GALNT11: variants seen among roughly 807,000 people sequenced by gnomAD.
GALNT11 encodes the protein polypeptide N-acetylgalactosaminyltransferase 11.
Under a neutral mutation model 72.7 loss-of-function variants are expected in GALNT11, and 47 were observed. The ratio of observed to expected loss-of-function variants is 0.65; its 90% CI spans 0.51 to 0.82. The LOEUF is 0.82. Ranked by LOEUF, GALNT11 falls within the 40% of genes least tolerant of loss-of-function variation. The probability of loss-of-function intolerance (pLI) is 0.00; values close to 1 mark genes in which losing one functional copy is unlikely to be tolerated. For missense variants in GALNT11, 677 were observed against 778.4 expected (o/e 0.87, Z 1.55); for synonymous variants, 270 against 286.6 (o/e 0.94, Z 0.58).
chr7:152,108,894 G>T (rs1021112239), intron 6 of GALNT11, among the ~76,000 whole-genome samples: 2 of 152,126 alleles, frequency 1.3e-5, no homozygotes, highest in African/African-American at 2.4e-5. Context: ...TTCTTGATTT[G>T]CCAGAGTGTA....
intron 1 of GALNT11, among the ~76,000 whole-genome samples, chr7:152,068,910 G>T (rs561502033): frequency 1.3e-5 from 2 of 151,992 alleles, no homozygotes; most frequent in South Asian, 4.2e-4. Flanking sequence ...TGTCAGACAA[G>T]TAAAATGGGC....
At chr7:152,117,879 T>A (rs1382751404) in intron 9 of GALNT11, 1 of 158,122 alleles carries the variant, frequency 6.3e-6, no homozygotes, top group Non-Finnish European at 1.4e-5. Context: ...TGTCTTTGTG[T>A]CTTAAACTCA....
intron 1 of GALNT11, among the ~76,000 whole-genome samples, chr7:152,050,841 T>G (rs527822161): frequency 6.6e-6 from 1 of 152,218 alleles, no homozygotes; most frequent in Non-Finnish European, 1.5e-5. Flanking sequence ...CAGCTCTAAA[T>G]GCTTCCTCTG....
chr7:152,105,648 A>G (rs1374280628), intron 5 of GALNT11, among the ~76,000 whole-genome samples: 2 of 152,204 alleles, frequency 1.3e-5, no homozygotes, highest in Non-Finnish European at 2.9e-5. Context: ...TATATTTTAT[A>G]TCTTATTCAC....
At chr7:152,105,031 A>G in intron 4 of GALNT11, 1 of 402,916 alleles carries the variant, frequency 2.5e-6, no homozygotes, top group Non-Finnish European at 4.4e-6. Flanking sequence ...TAAAGTAAGT[A>G]TTCCTCTTTG....
At chr7:152,120,722 GTCTGTT>G in intron 10 of GALNT11, 103 bp from the exon 11 acceptor site, 1 of 946,592 alleles carries the variant, frequency 1.1e-6, no homozygotes, top group Non-Finnish European at 1.6e-6. Flanking sequence ...TAGTGCATTG[GTCTGTT>G]TCTGCTTTGA....
chr7:152,072,192 G>A (rs956445803), intron 1 of GALNT11, among the ~76,000 whole-genome samples: 6 of 150,138 alleles, frequency 4.0e-5, no homozygotes, highest in East Asian at 2.0e-4. Context: ...GTTGGCGCAC[G>A]TCTGTTGTCC....
intron 1 of GALNT11, among the ~76,000 whole-genome samples, chr7:152,084,433 G>C (rs1484090993): frequency 6.5e-5 from 9 of 138,970 alleles, no homozygotes; most frequent in East Asian, 4.3e-4. Flanking sequence ...GATTTTGTTA[G>C]AACTATACAA....
intron 1 of GALNT11, among the ~76,000 whole-genome samples, chr7:152,054,010 T>C (rs914695384): frequency 6.6e-6 from 1 of 152,186 alleles, no homozygotes; most frequent in African/African-American, 2.4e-5. Context: ...ACTTTTCCAA[T>C]GTATTTCCTT....
intron 3 of GALNT11, among the ~76,000 whole-genome samples, chr7:152,102,499 G>A (rs755453964): frequency 1.2e-4 from 18 of 151,944 alleles, no homozygotes; most frequent in Non-Finnish European, 5.9e-5. Flanking sequence ...CCGAGATCGC[G>A]CCACAGCACT....
chr7:152,053,714 T>G (rs2083507828), intron 1 of GALNT11, among the ~76,000 whole-genome samples: 1 of 152,198 alleles, frequency 6.6e-6, no homozygotes, highest in Non-Finnish European at 1.5e-5. Context: ...CTGTCTGCAC[T>G]TTGGCTGGGT....
intron 7 of GALNT11, among the ~76,000 whole-genome samples, chr7:152,112,889 A>AAAAT (rs966988686): frequency 2.2e-4 from 34 of 152,190 alleles, no homozygotes; most frequent in Middle Eastern, 6.8e-3. Context: ...TTCTTAAAAG[A>AAAAT]AAATAAATAA....
intron 2 of GALNT11, among the ~76,000 whole-genome samples, chr7:152,099,267 C>T (rs971744209): frequency 2.0e-5 from 3 of 152,068 alleles, no homozygotes; most frequent in South Asian, 4.2e-4. Flanking sequence ...TATATCTCAA[C>T]CCTTTACACC....
Position 152,103,202 on chromosome 7 carries a change from A to G in GALNT11, c.510A>G (p.Thr170=), listed in dbSNP as rs1442381865. ...AAGCGTTTTCTGCCTTGCTTCGGAC[A>G]GTGCACAGTGTCATAGACCGCACGC... ...YNEAFSALLR[T]VHSVIDRTPA... Residue 170 remains threonine (T), a synonymous_variant, in exon 4 of 12, where the codon ACA becomes ACG. Transcript: ENST00000430044. 1 of 1,613,648 alleles carries G rather than the reference A, an allele frequency of 6.2e-7. No individual in the cohort carries two copies. The highest frequency in any genetic ancestry group is 8.5e-7 in the Non-Finnish European group (1 of 1,179,712).
chr7:152,105,456 T>C, intron 5 of GALNT11, 86 bp downstream of exon 5: 2 of 1,518,446 alleles, frequency 1.3e-6, no homozygotes, highest in Non-Finnish European at 1.8e-6. Flanking sequence ...GCAAAGTCTA[T>C]GAAGAGTAGT....
intron 1 of GALNT11, among the ~76,000 whole-genome samples, chr7:152,085,299 A>T (rs926148254): frequency 6.6e-6 from 1 of 152,232 alleles, no homozygotes; most frequent in African/African-American, 2.4e-5. Flanking sequence ...TCTCACTTTA[A>T]TAAATTCAAG....
At position 152,117,502 on chromosome 7, in the gene GALNT11, C is replaced by G. The variant is rs76611317; in HGVS notation, c.1452+127C>G. On this transcript the variant is annotated intron_variant, in intron 9 of 11. Coordinates refer to ENST00000430044, the MANE Select transcript of GALNT11 (RefSeq NM_022087.4). Reference sequence around the variant, plus strand: ...AGTGTAATGACAGGCTTCAGCTTGCCTTTCATTATATTCTCTTTATGGGAA... The same window carrying G: ...AGTGTAATGACAGGCTTCAGCTTGCGTTTCATTATATTCTCTTTATGGGAA... 68 of 897,604 alleles carry G rather than the reference C, an allele frequency of 7.6e-5. No homozygotes were observed. The East Asian group carries it at 1.7e-3, about 22-fold the overall frequency. The allele number at this position is 897,604 out of a possible 1,614,324, so 55.6% of individuals were successfully genotyped here.
At chr7:152,106,191 C>T (rs183275868) in intron 5 of GALNT11, among the ~76,000 whole-genome samples, 2 of 152,248 alleles carry the variant, frequency 1.3e-5, no homozygotes, top group African/African-American at 4.8e-5. Context: ...ATGGACATGG[C>T]GAAAAAATTT....
At chr7:152,031,396 C>T (rs935656290) in intron 1 of GALNT11, among the ~76,000 whole-genome samples, 5 of 152,194 alleles carry the variant, frequency 3.3e-5, no homozygotes, top group South Asian at 2.1e-4. Flanking sequence ...TTGAGGGCCA[C>T]GCATGTATGT....
Sources: gnomAD v4.1 joint callset for allele counts (sites outside exome capture counted in the v4.1 genomes callset) on GRCh38, gnomAD v4.1.1 for gene constraint, MANE v1.5 for transcripts, NCBI Gene and HGNC (gene_info 2026-07-23, HGNC 2026-07-21) for gene names.